Variants in LITAF observed in about 807,000 individuals in gnomAD.
The protein encoded by LITAF is lipopolysaccharide-induced tumor necrosis factor-alpha factor.
In LITAF, 9 loss-of-function variants were observed where a neutral mutation model predicts 14.5. The observed-to-expected ratio is 0.62, with a 90% CI of 0.37 to 1.08. The LOEUF (loss-of-function observed/expected upper bound fraction) is 1.08, where lower values mean the gene tolerates loss of function less well. LITAF is among the 50% of genes least tolerant of loss of function. The probability of loss-of-function intolerance (pLI) is 0.01; values close to 1 mark genes in which losing one functional copy is unlikely to be tolerated. For synonymous variants in LITAF, 98 were observed against 88.2 expected, an observed-to-expected ratio of 1.11 and a Z score of -0.62; for missense variants, 206 against 213.4, an observed-to-expected ratio of 0.97 and a Z score of 0.22.
At chr16:11,623,431 G>A (rs1458295356) in intron 3 of LITAF, among the ~76,000 whole-genome samples, 4 of 151,760 alleles carry the variant, frequency 2.6e-5, no homozygotes, top group African/African-American at 4.8e-5. Flanking sequence ...GGAGGCCGAG[G>A]CGGACAGATT....
chr16:11,593,028 G>A lies in LITAF; in HGVS notation c.-6+5360C>T, dbSNP rs1057372236. 7.2e-5 allele frequency among the ~76,000 whole-genome samples: 11 copies of A among 152,048 alleles called. No individual in the cohort carries two copies. In the South Asian group the frequency reaches 8.3e-4, roughly 11 times the overall value. ...TACTAAAAATACAAAAAAATTAGCC[G>A]GGCGTTATGGCAGGCGCCTGTAGCC... On this transcript the variant is annotated intron_variant, in intron 1 of 3. Transcript: ENST00000571627.
chr16:11,564,657 T>C (rs1289900387), intron 1 of LITAF, among the ~76,000 whole-genome samples: 1 of 152,056 alleles, frequency 6.6e-6, no homozygotes, highest in Non-Finnish European at 1.5e-5. Context: ...TCGCTCCTGC[T>C]AACTAAGTAT....
chr16:11,614,512 C>A (rs1176909135), intron 3 of LITAF, among the ~76,000 whole-genome samples: 2 of 152,062 alleles, frequency 1.3e-5, no homozygotes, highest in Non-Finnish European at 2.9e-5. Context: ...GTTGGCCAGG[C>A]TGGTCTCGAA....
chr16:11,552,738 C>T (rs539966642), intron 3 of LITAF, among the ~76,000 whole-genome samples: 5 of 152,180 alleles, frequency 3.3e-5, no homozygotes, highest in Non-Finnish European at 5.9e-5. Flanking sequence ...CACTGGGGAG[C>T]GTGGTGCTCC....
upstream of LITAF, among the ~76,000 whole-genome samples, chr16:11,601,034 G>A (rs75360533): frequency 2.6e-5 from 4 of 151,970 alleles, no homozygotes; most frequent in East Asian, 7.8e-4. Context: ...GAAAAATCCC[G>A]CATCACCGGC....
chr16:11,638,111 T>C (rs1321280872), upstream of LITAF, among the ~76,000 whole-genome samples: 2 of 140,620 alleles, frequency 1.4e-5, no homozygotes, highest in East Asian at 3.9e-4. Context: ...TATATATATC[T>C]ATCTATATAG....
intron 1 of LITAF, among the ~76,000 whole-genome samples, chr16:11,594,815 G>A (rs140234502): frequency 1.8e-3 from 281 of 152,078 alleles, no homozygotes; most frequent in Non-Finnish European, 3.2e-3. Context: ...GGTGGAGGCT[G>A]CAGTGAGCCA....
At chr16:11,611,488 T>C (rs974048740) in intron 3 of LITAF, among the ~76,000 whole-genome samples, 1 of 152,206 alleles carries the variant, frequency 6.6e-6, no homozygotes, top group Non-Finnish European at 1.5e-5. Flanking sequence ...TAACCAGGCA[T>C]CCTGCATTTT....
intron 3 of LITAF, among the ~76,000 whole-genome samples, chr16:11,612,260 A>G (rs1046867548): frequency 1.3e-5 from 2 of 152,184 alleles, no homozygotes; most frequent in African/African-American, 2.4e-5. Context: ...CCAGTGAGTC[A>G]GACCAGGTCA....
intron 1 of LITAF, among the ~76,000 whole-genome samples, chr16:11,568,596 A>C (rs1443260411): frequency 6.6e-6 from 1 of 152,114 alleles, no homozygotes; most frequent in African/African-American, 2.4e-5. Context: ...GGTGTGGAGA[A>C]GAAAGGGGAC....
intron 3 of LITAF, among the ~76,000 whole-genome samples, chr16:11,626,987 C>T (rs893640111): frequency 1.3e-5 from 2 of 152,132 alleles, no homozygotes; most frequent in African/African-American, 4.8e-5. Context: ...AGACTACAGG[C>T]ACGCACCACC....
At chr16:11,623,125 G>A (rs947884621) in intron 3 of LITAF, among the ~76,000 whole-genome samples, 19 of 151,360 alleles carry the variant, frequency 1.3e-4, no homozygotes, top group African/African-American at 2.2e-4. Flanking sequence ...CACCACGCCC[G>A]GCTAATTTTT....
chr16:11,567,152 GCTCA>G (rs2064463097), intron 1 of LITAF, among the ~76,000 whole-genome samples: 1 of 151,990 alleles, frequency 6.6e-6, no homozygotes, highest in South Asian at 2.1e-4. Flanking sequence ...GGGCGCAGTG[GCTCA>G]CGCCTGTAAT....
rs542573110 is a variant in LITAF, at chr16:11,548,883, A to G, written c.*754T>C. 22 of 453,886 alleles carry G rather than the reference A, an allele frequency of 4.8e-5. No individual in the cohort carries two copies. The highest frequency in any genetic ancestry group is 3.4e-4 in the South Asian group (22 of 64,464). The allele number at this position is 453,886 out of a possible 1,614,324, so 28.1% of individuals were successfully genotyped here. Reference sequence around the variant, plus strand: ...AAAGGAGGTCATAAAAACTGTTCATATAATTACTCTATGAGAAAAAAATCC... The same window carrying G: ...AAAGGAGGTCATAAAAACTGTTCATGTAATTACTCTATGAGAAAAAAATCC... On this transcript the variant is annotated 3_prime_UTR_variant, in exon 4 of 4. Coordinates refer to ENST00000622633, the MANE Select transcript of LITAF (RefSeq NM_001136472.2).
At chr16:11,603,618 C>A (rs1018416378) in intron 3 of LITAF, among the ~76,000 whole-genome samples, 1 of 152,220 alleles carries the variant, frequency 6.6e-6, no homozygotes, top group Non-Finnish European at 1.5e-5. Flanking sequence ...CAGAGCAATG[C>A]GGCAGTATCA....
intron 1 of LITAF, among the ~76,000 whole-genome samples, chr16:11,562,313 CAAAAAAAAAAA>C (rs57317505): frequency 9.8e-5 from 6 of 61,434 alleles, no homozygotes; most frequent in South Asian, 6.4e-4. Flanking sequence ...GACTCCGTCT[CAAAAAAAAAAA>C]AAAAAAAAAA....
At chr16:11,617,519 C>T (rs897237584) in intron 3 of LITAF, among the ~76,000 whole-genome samples, 1 of 150,422 alleles carries the variant, frequency 6.6e-6, no homozygotes, top group Non-Finnish European at 1.5e-5. Flanking sequence ...TTCTGCCTCC[C>T]GGGTTCAAGG....
intron 1 of LITAF, among the ~76,000 whole-genome samples, chr16:11,567,916 G>A (rs538003342): frequency 2.6e-5 from 4 of 152,212 alleles, no homozygotes; most frequent in South Asian, 2.1e-4. Flanking sequence ...CCCAGGAGGC[G>A]GAGGTTGCAG....
At chr16:11,588,161 A>G (rs1265435456), upstream of LITAF, among the ~76,000 whole-genome samples, 4 of 152,096 alleles carry the variant, frequency 2.6e-5, no homozygotes, top group Non-Finnish European at 5.9e-5. Context: ...GGAGGTTCCC[A>G]TGTAGATGTT....
Sources: allele counts gnomAD v4.1 joint callset (sites outside exome capture counted in the v4.1 genomes callset), GRCh38; gene constraint gnomAD v4.1.1; transcripts MANE v1.5; gene names NCBI Gene and HGNC (gene_info 2026-07-23, HGNC 2026-07-21).